The following HEPH variants were observed in gnomAD, a reference collection of about 807,000 sequenced individuals.
The protein encoded by HEPH is hephaestin.
In HEPH, 69 loss-of-function variants were observed where a neutral mutation model predicts 80.8. The observed-to-expected ratio is 0.85, with a 90% CI of 0.70 to 1.04. The LOEUF is 1.04. Ranked by LOEUF, HEPH falls within the 50% of genes least tolerant of loss-of-function variation. The pLI, the probability that HEPH is intolerant of heterozygous loss-of-function variation, is 0.00. For missense variants in HEPH, 1,115 were observed against 891.3 expected, an observed-to-expected ratio of 1.25 and a Z score of -3.20; for synonymous variants, 431 against 322.8, an observed-to-expected ratio of 1.34 and a Z score of -3.60.
chrX:66,188,232 C>T (rs2087586976), intron 4 of HEPH, 127 bp from the exon 5 acceptor site: 2 of 495,544 alleles, frequency 4.0e-6, no homozygotes, highest in Non-Finnish European at 6.6e-6. Flanking sequence ...AGGGTTATTT[C>T]TGCTTTTCTG....
At chrX:66,198,317 C>T (rs894913256) in intron 10 of HEPH, among the ~76,000 whole-genome samples, 5 of 110,896 alleles carry the variant, frequency 4.5e-5, no homozygotes, top group Non-Finnish European at 9.4e-5. Context: ...ATTGGGTGAG[C>T]TACTTAACTT....
chrX:66,164,681 C>T lies in HEPH; in HGVS notation c.-14+211C>T, dbSNP rs763886195. Reference sequence around the variant, plus strand: ...GCCAAAATAGCCAGGACTACACTGGCTTGTCTGTTTCAGGGCCAATCCTGG... The same window carrying T: ...GCCAAAATAGCCAGGACTACACTGGTTTGTCTGTTTCAGGGCCAATCCTGG... On this transcript the variant is annotated intron_variant, in intron 1 of 20. Coordinates refer to ENST00000343002, the MANE Select transcript of HEPH (RefSeq NM_001367233.3). Among the ~76,000 whole-genome samples, 108 of 111,963 alleles carry T rather than the reference C, an allele frequency of 9.6e-4. No homozygotes were observed. In the South Asian group the frequency reaches 0.013, roughly 13 times the overall value.
chrX:66,168,794 G>T (rs1388911406), intron 1 of HEPH, among the ~76,000 whole-genome samples: 2 of 111,474 alleles, frequency 1.8e-5, no homozygotes, highest in Non-Finnish European at 3.8e-5. Context: ...ACTGGACATG[G>T]TGCTACTATG....
At chrX:66,264,016 A>G (rs144402166) in intron 20 of HEPH, among the ~76,000 whole-genome samples, 2 of 110,560 alleles carry the variant, frequency 1.8e-5, no homozygotes, top group East Asian at 5.7e-4. Context: ...CAAATACTGC[A>G]TGTTCTCACT....
At position 66,222,585 on chromosome X, in the gene HEPH, G is replaced by A. The variant is rs1451606177; in HGVS notation, c.2563+14339G>A. On this transcript the variant is annotated intron_variant, in intron 15 of 20. Coordinates refer to ENST00000343002, the MANE Select transcript of HEPH (RefSeq NM_001367233.3). ...TGGGAAATTAAAAAAACTGGTTGGG[G>A]CAGTCCATCCTTGCTCTCTAGTGGT... is the stretch of plus-strand genomic sequence containing the variant. Among the ~76,000 whole-genome samples the A allele has an allele frequency of 5.4e-5, 6 of 111,942 alleles. No individual in the cohort carries two copies. In the Admixed American group the frequency reaches 5.7e-4, roughly 11 times the overall value.
intron 20 of HEPH, among the ~76,000 whole-genome samples, chrX:66,265,140 C>G (rs1183547379): frequency 2.7e-5 from 3 of 110,625 alleles, no homozygotes; most frequent in African/African-American, 9.8e-5. Flanking sequence ...TATTTGAACT[C>G]ATTATATTCT....
At chrX:66,240,351 T>C (rs2090522223) in intron 15 of HEPH, among the ~76,000 whole-genome samples, 1 of 110,879 alleles carries the variant, frequency 9.0e-6, no homozygotes, top group African/African-American at 3.3e-5. Flanking sequence ...CCAGGATCTG[T>C]GGGATAATAT....
intron 4 of HEPH, among the ~76,000 whole-genome samples, chrX:66,180,801 C>T (rs62613165): frequency 0.022 from 1,948 of 86,715 alleles, 26 homozygotes; most frequent in Middle Eastern, 0.033. Flanking sequence ...CACCCACTAA[C>T]GTGTCATCTA....
At chrX:66,235,104 C>G (rs1487353018) in intron 15 of HEPH, among the ~76,000 whole-genome samples, 1 of 111,523 alleles carries the variant, frequency 9.0e-6, no homozygotes, top group Non-Finnish European at 1.9e-5. Flanking sequence ...TTAGACCCTT[C>G]TTGGATGCAT....
intron 17 of HEPH, 101 bp downstream of exon 17, chrX:66,256,431 G>A (rs1286761096): frequency 3.1e-5 from 18 of 573,288 alleles, no homozygotes; most frequent in Non-Finnish European, 4.2e-5. Flanking sequence ...TAATCCCAGA[G>A]AGGACACGAA....
At chrX:66,261,164 G>A (rs974471510) in intron 19 of HEPH, among the ~76,000 whole-genome samples, 2 of 111,956 alleles carry the variant, frequency 1.8e-5, no homozygotes, top group African/African-American at 6.5e-5. Flanking sequence ...CTCCCAAATC[G>A]CTGGGATTAC....
chrX:66,230,006 A>G (rs1216925699), intron 15 of HEPH, among the ~76,000 whole-genome samples: 3 of 95,438 alleles, frequency 3.1e-5, no homozygotes, highest in Non-Finnish European at 4.1e-5. Context: ...ATTCCCACCT[A>G]TGAGTGAGAA....
At chrX:66,227,220 C>A (rs1022630510) in intron 15 of HEPH, among the ~76,000 whole-genome samples, 1 of 111,806 alleles carries the variant, frequency 8.9e-6, no homozygotes, top group Non-Finnish European at 1.9e-5. Context: ...AAGCATTTGA[C>A]AAAATCTAGC....
chrX:66,226,376 A>G (rs1477806730), intron 15 of HEPH, among the ~76,000 whole-genome samples: 1 of 112,254 alleles, frequency 8.9e-6, no homozygotes, highest in Non-Finnish European at 1.9e-5. Flanking sequence ...ATCTATGGTC[A>G]TGCCTCAAGG....
intron 15 of HEPH, among the ~76,000 whole-genome samples, chrX:66,248,370 A>G (rs2090889176): frequency 8.9e-6 from 1 of 112,082 alleles, no homozygotes. Flanking sequence ...GCATATCCAC[A>G]CTGGATATGC....
chrX:66,191,954 ACTCT>A (rs1237891248), intron 6 of HEPH, among the ~76,000 whole-genome samples, 172 bp from the exon 7 acceptor site: 9 of 110,376 alleles, frequency 8.2e-5, no homozygotes, highest in Non-Finnish European at 1.7e-4. Context: ...TCTACCCTGG[ACTCT>A]CTCTCTCAGC....
chrX:66,197,887 G>A lies in HEPH; in HGVS notation c.1706G>A (p.Gly569Asp). 1.7e-6 allele frequency: 2 copies of A among 1,194,263 alleles called. No homozygotes were observed. The highest frequency in any genetic ancestry group is 2.3e-6 in the Non-Finnish European group (2 of 886,076). ...AGGGCTGGTGCCTTGGGTGCAGATG[G>A]CAAGCAGGTATTGTCAGGGTTATCT... Reference protein sequence around the residue: ...VCRAGALGADGKQKGVDKEFF... With the variant: ...VCRAGALGADDKQKGVDKEFF... The change falls in exon 10 of 21, where the codon GGC (glycine) becomes GAC (aspartate). Residue 569 changes from glycine to aspartate, a missense_variant. By Grantham distance (94) the Gly-to-Asp change is moderately conservative (BLOSUM62 -1). Coordinates refer to ENST00000343002, the MANE Select transcript of HEPH (RefSeq NM_001367233.3).
upstream of HEPH, chrX:66,162,905 T>A: frequency 8.8e-7 from 1 of 1,138,244 alleles, no homozygotes; most frequent in Non-Finnish European, 1.2e-6. Flanking sequence ...GGAACCCCCA[T>A]CATACCTGTC....
At chrX:66,217,254 A>C (rs1235918575) in intron 15 of HEPH, among the ~76,000 whole-genome samples, 33 of 111,162 alleles carry the variant, frequency 3.0e-4, no homozygotes, top group African/African-American at 1.1e-3. Context: ...GTCAAAACTA[A>C]GGAAAGAATT....
Sources: gnomAD v4.1 joint callset for allele counts (sites outside exome capture counted in the v4.1 genomes callset) on GRCh38, gnomAD v4.1.1 for gene constraint, MANE v1.5 for transcripts, NCBI Gene and HGNC (gene_info 2026-07-23, HGNC 2026-07-21) for gene names.